ATG10: variants seen among roughly 807,000 people sequenced by gnomAD.
The protein encoded by ATG10 is autophagy related 10, also known as ubiquitin-like-conjugating enzyme ATG10.
ATG10 carries 30 observed loss-of-function variants against 32.1 expected under a neutral mutation model. That is an observed-to-expected ratio of 0.94 (90% CI 0.70 to 1.27). The LOEUF (loss-of-function observed/expected upper bound fraction) is 1.27, where lower values mean the gene tolerates loss of function less well. Ranked by LOEUF, ATG10 falls within the 50% of genes most tolerant of loss-of-function variation. The pLI, the probability that ATG10 is intolerant of heterozygous loss-of-function variation, is 0.00. For synonymous variants in ATG10, 87 were observed against 91.5 expected, an observed-to-expected ratio of 0.95 and a Z score of 0.28; for missense variants, 233 against 262.3, an observed-to-expected ratio of 0.89 and a Z score of 0.77.
rs781176511 is a variant in ATG10, at chr5:82,253,373, T to A, written c.611T>A (p.Leu204Gln). The A allele has an allele frequency of 1.2e-6, 2 of 1,613,214 alleles. No individual in the cohort carries two copies. The highest frequency in any genetic ancestry group is 3.3e-5 in the Admixed American group (2 of 60,022). The part of the protein sequence containing the change: ...SIVGPVVGLN[L>Q]PLSYAKATSQ... ...GTAGGGCCAGTTGTTGGGCTGAATC[T>A]ACCTCTGAGTTATGCCAAAGCAACG... The change falls in exon 7 of 8, where the codon CTA becomes CAA. Residue 204 changes from leucine to glutamine, a missense_variant. Transcript: ENST00000282185.
At chr5:81,978,047 C>T (rs1760917966) in intron 1 of ATG10, among the ~76,000 whole-genome samples, 1 of 152,114 alleles carries the variant, frequency 6.6e-6, no homozygotes, top group Non-Finnish European at 1.5e-5. Context: ...CAGACTGGCA[C>T]TGATTCTGTA....
intron 3 of ATG10, among the ~76,000 whole-genome samples, chr5:82,133,137 C>T (rs1019045694): frequency 1.6e-4 from 24 of 152,094 alleles, no homozygotes; most frequent in African/African-American, 5.3e-4. Flanking sequence ...TGGATATTAG[C>T]GCTTTGTCAG....
At chr5:81,999,811 A>G (rs1308439066) in intron 2 of ATG10, among the ~76,000 whole-genome samples, 1 of 152,188 alleles carries the variant, frequency 6.6e-6, no homozygotes, top group Non-Finnish European at 1.5e-5. Flanking sequence ...TCCTGGAAAC[A>G]TACGACTTCC....
chr5:82,086,091 T>TACTTTTTC (rs1355469715), intron 3 of ATG10, among the ~76,000 whole-genome samples: 1 of 152,150 alleles, frequency 6.6e-6, no homozygotes, highest in East Asian at 1.9e-4. Flanking sequence ...TAAAAGGTGT[T>TACTTTTTC]TGATTGACTT....
At chr5:82,213,453 A>T (rs914931665) in intron 5 of ATG10, among the ~76,000 whole-genome samples, 4 of 152,230 alleles carry the variant, frequency 2.6e-5, no homozygotes, top group African/African-American at 9.6e-5. Context: ...CTCTTGAGTG[A>T]CTGATATGGA....
At chr5:82,250,213 A>G (rs900095847) in intron 5 of ATG10, among the ~76,000 whole-genome samples, 3 of 152,104 alleles carry the variant, frequency 2.0e-5, no homozygotes, top group Non-Finnish European at 4.4e-5. Flanking sequence ...CATATTTTCT[A>G]TGCTCATTTC....
intron 5 of ATG10, among the ~76,000 whole-genome samples, chr5:82,226,874 G>GT (rs1425702574): frequency 2.0e-5 from 3 of 152,056 alleles, no homozygotes; most frequent in African/African-American, 7.2e-5. Flanking sequence ...TTTAGAATTT[G>GT]TATCCTTTCA....
rs149297694 is a variant in ATG10 at position 82,225,116 on chromosome 5, G to T, written c.454-27446G>T. ...TGACCAATAGGATAATTGAGTCCTT[G>T]CACCCTTTTAATGTCACACACTCCC... is the stretch of plus-strand genomic sequence containing the variant. On this transcript the variant is annotated intron_variant, in intron 5 of 7. Coordinates refer to ENST00000282185, the MANE Select transcript of ATG10 (RefSeq NM_031482.5). Among the ~76,000 whole-genome samples the T allele has an allele frequency of 1.0e-3, 154 of 152,258 alleles. 1 individual carries two copies. In the East Asian group the frequency reaches 0.018, roughly 18 times the overall value.
intron 3 of ATG10, among the ~76,000 whole-genome samples, chr5:82,074,724 T>C (rs1428080794): frequency 6.6e-6 from 1 of 152,208 alleles, no homozygotes; most frequent in East Asian, 1.9e-4. Context: ...TTTAAGCATA[T>C]GTTGGTTGAT....
intron 3 of ATG10, among the ~76,000 whole-genome samples, chr5:82,084,554 A>G (rs1036517937): frequency 2.0e-5 from 3 of 152,202 alleles, no homozygotes; most frequent in Non-Finnish European, 4.4e-5. Context: ...GTTGAAATGA[A>G]GGAAAAAATG....
At chr5:82,143,497 A>G (rs1767229191) in intron 3 of ATG10, among the ~76,000 whole-genome samples, 1 of 152,264 alleles carries the variant, frequency 6.6e-6, no homozygotes, top group African/African-American at 2.4e-5. Context: ...GGGGTGAGGA[A>G]GTCCAGACTG....
At chr5:82,122,370 G>C (rs1019531737) in intron 3 of ATG10, among the ~76,000 whole-genome samples, 12 of 152,086 alleles carry the variant, frequency 7.9e-5, no homozygotes, top group Admixed American at 7.2e-4. Context: ...ACTCACGGTG[G>C]ATTAGAGACT....
intron 3 of ATG10, among the ~76,000 whole-genome samples, chr5:82,129,760 C>T (rs1766442904): frequency 6.6e-6 from 1 of 152,124 alleles, no homozygotes; most frequent in Admixed American, 6.5e-5. Flanking sequence ...CTGAAGCTCT[C>T]CTTTATGAGG....
intron 2 of ATG10, among the ~76,000 whole-genome samples, chr5:82,004,899 C>A (rs1376857872): frequency 6.6e-6 from 1 of 152,082 alleles, no homozygotes; most frequent in Non-Finnish European, 1.5e-5. Context: ...CAAAATGGCA[C>A]CAATTGAAAA....
Position 82,041,769 on chromosome 5 carries a change from C to G in ATG10, c.109-16726C>G, listed in dbSNP as rs1031254939. 4.6e-5 allele frequency among the ~76,000 whole-genome samples: 7 copies of G among 151,850 alleles called. No homozygotes were observed. In the East Asian group the frequency reaches 5.8e-4, roughly 13 times the overall value. ...ACATGTTTTTTTAGGCCACTTATGTCTCACAGCTCACTATGCTCTATTGAT... is the reference window on the plus strand; with the variant it reads ...ACATGTTTTTTTAGGCCACTTATGTGTCACAGCTCACTATGCTCTATTGAT... On this transcript the variant is annotated intron_variant, in intron 2 of 7. Coordinates refer to ENST00000282185, the MANE Select transcript of ATG10 (RefSeq NM_031482.5).
intron 2 of ATG10, among the ~76,000 whole-genome samples, chr5:81,993,130 C>T (rs1761508802): frequency 6.6e-6 from 1 of 151,578 alleles, no homozygotes; most frequent in South Asian, 2.1e-4. Context: ...CAAATACCTT[C>T]TTTACCATTT....
chr5:82,008,673 C>G (rs1458491653), intron 2 of ATG10, among the ~76,000 whole-genome samples: 2 of 152,120 alleles, frequency 1.3e-5, no homozygotes. Flanking sequence ...TTCAAAAAGC[C>G]TTGTAGGAAG....
chr5:82,000,597 C>A (rs1345274974), intron 2 of ATG10, among the ~76,000 whole-genome samples: 3 of 152,200 alleles, frequency 2.0e-5, no homozygotes, highest in Non-Finnish European at 4.4e-5. Flanking sequence ...GCTCCTAGAT[C>A]TAATAAACAA....
intron 3 of ATG10, among the ~76,000 whole-genome samples, chr5:82,161,812 A>G (rs1040909777): frequency 5.9e-5 from 9 of 152,054 alleles, no homozygotes; most frequent in Middle Eastern, 3.4e-3. Flanking sequence ...ACCTCACACT[A>G]TATACAAAAC....
Sources: gnomAD v4.1 joint callset for allele counts (sites outside exome capture counted in the v4.1 genomes callset) on GRCh38, gnomAD v4.1.1 for gene constraint, MANE v1.5 for transcripts, NCBI Gene and HGNC (gene_info 2026-07-23, HGNC 2026-07-21) for gene names.